IQUB: variants seen among roughly 807,000 people sequenced by gnomAD.
The protein encoded by IQUB is IQ motif and ubiquitin-like domain-containing protein.
IQUB carries 86 observed loss-of-function variants against 86.4 expected under a neutral mutation model. The observed-to-expected ratio is 1.00, with a 90% CI of 0.84 to 1.19. The LOEUF (loss-of-function observed/expected upper bound fraction) is 1.19, where lower values mean the gene tolerates loss of function less well. IQUB is among the 50% of genes most tolerant of loss of function. The pLI is 0.00. For synonymous variants in IQUB, 289 were observed against 304.5 expected, an observed-to-expected ratio of 0.95 and a Z score of 0.53; for missense variants, 946 against 916.9, an observed-to-expected ratio of 1.03 and a Z score of -0.41.
intron 9 of IQUB, among the ~76,000 whole-genome samples, chr7:123,467,932 T>A (rs181755516): frequency 1.0e-3 from 157 of 152,334 alleles, no homozygotes; most frequent in Non-Finnish European, 2.0e-3. Context: ...GAGCTACAAC[T>A]AATGCCTAAG....
chr7:123,519,744 T>C (rs35309595), intron 1 of IQUB, among the ~76,000 whole-genome samples: 2 of 152,156 alleles, frequency 1.3e-5, no homozygotes, highest in Non-Finnish European at 2.9e-5. Context: ...CACCGTACGG[T>C]GACTATAGTT....
At chr7:123,519,188 A>AT (rs1305031827) in intron 1 of IQUB, among the ~76,000 whole-genome samples, 1 of 152,224 alleles carries the variant, frequency 6.6e-6, no homozygotes, top group Non-Finnish European at 1.5e-5. Flanking sequence ...AGAAAGGGGA[A>AT]TGGTAGTACA....
Position 123,496,679 on chromosome 7 carries a change from G to C in IQUB, c.1234+17C>G, listed in dbSNP as rs368829216. 3.7e-4 allele frequency: 532 copies of C among 1,447,898 alleles called. 3 individuals carry two copies. The highest frequency in any genetic ancestry group is 1.5e-3 in the Admixed American group (69 of 47,544). The allele number at this position is 1,447,898 out of a possible 1,614,324, so 89.7% of individuals were successfully genotyped here. A position where few individuals can be genotyped will look rare whatever the true frequency, so the allele number is the denominator to read the frequency against. On this transcript the variant is annotated intron_variant, in intron 7 of 12. Coordinates refer to ENST00000324698, the MANE Select transcript of IQUB (RefSeq NM_178827.5). ...AGAATTTAAAAATATTTTTTGCAAAGCCTGTGTCCAACTTACATTCTAATG... is the reference window on the plus strand; with the variant it reads ...AGAATTTAAAAATATTTTTTGCAAACCCTGTGTCCAACTTACATTCTAATG...
At chr7:123,530,702 G>T (rs1797493220) in intron 1 of IQUB, among the ~76,000 whole-genome samples, 1 of 119,586 alleles carries the variant, frequency 8.4e-6, no homozygotes. Flanking sequence ...TTGAGATGGA[G>T]TTTCACTCTT....
Position 123,461,403 on chromosome 7 carries a change from G to C in IQUB, c.1961C>G (p.Thr654Arg). 1 of 1,611,758 alleles carries C rather than the reference G, an allele frequency of 6.2e-7. No individual in the cohort carries two copies. The highest frequency in any genetic ancestry group is 8.5e-7 in the Non-Finnish European group (1 of 1,178,442). Residue 654 changes from threonine (T) to arginine (R), a missense_variant, in exon 11 of 13, where the codon ACA becomes AGA. Physicochemically the swap from Thr to Arg is moderately conservative, Grantham distance 71. Transcript: ENST00000324698. ...YKCLLQQLYYTEADYEDDSKI... is the reference protein window; with the variant it reads ...YKCLLQQLYYREADYEDDSKI... The stretch of plus-strand genomic sequence containing the variant: ...AGAATCATCTTCATAATCAGCTTCT[G>C]TATAGTAGAGCTGTTGAAGTAAACA...
At chr7:123,531,571 C>T (rs1417637809) in intron 1 of IQUB, among the ~76,000 whole-genome samples, 2 of 152,142 alleles carry the variant, frequency 1.3e-5, no homozygotes, top group African/African-American at 4.8e-5. Flanking sequence ...TATTATTAAG[C>T]ATATATTCAG....
chr7:123,495,344 T>G (rs936238741), intron 7 of IQUB, among the ~76,000 whole-genome samples: 13 of 152,076 alleles, frequency 8.5e-5, no homozygotes, highest in African/African-American at 2.9e-4. Flanking sequence ...GCCCTAATGT[T>G]TAATTATATT....
At chr7:123,454,359 A>T (rs151200259) in intron 12 of IQUB, among the ~76,000 whole-genome samples, 1 of 152,202 alleles carries the variant, frequency 6.6e-6, no homozygotes, top group East Asian at 1.9e-4. Flanking sequence ...ACTCTTAAAT[A>T]ACTGAATATA....
chr7:123,454,651 C>G (rs1793607811), intron 12 of IQUB, among the ~76,000 whole-genome samples: 2 of 152,070 alleles, frequency 1.3e-5, no homozygotes, highest in Non-Finnish European at 2.9e-5. Flanking sequence ...TTCACAAATT[C>G]TTTGGGTGTA....
intron 7 of IQUB, among the ~76,000 whole-genome samples, chr7:123,492,100 A>G (rs1161144849): frequency 6.6e-6 from 1 of 152,176 alleles, no homozygotes; most frequent in Non-Finnish European, 1.5e-5. Context: ...CCATCTATGA[A>G]CCAGGAAACA....
chr7:123,503,380 A>T lies in IQUB; in HGVS notation c.533-17T>A. 1 of 1,380,396 alleles carries T rather than the reference A, an allele frequency of 7.2e-7. No individual in the cohort carries two copies. Among genetic ancestry groups the T allele is most frequent in the Non-Finnish European group, 9.9e-7 (1 of 1,009,690 alleles). 85.5% of individuals were successfully genotyped at this position (1,380,396 alleles called of 1,614,324 possible). A position where few individuals can be genotyped will look rare whatever the true frequency, so the allele number is the denominator to read the frequency against. Reference sequence around the variant, plus strand: ...GAATTTTTCCTAAAAATTGAAATAAAATTTTTAAAAGTTTTATGACAAAGA... The same window carrying T: ...GAATTTTTCCTAAAAATTGAAATAATATTTTTAAAAGTTTTATGACAAAGA... On this transcript the variant is annotated splice_polypyrimidine_tract_variant and intron_variant, in intron 3 of 12. Transcript: ENST00000324698.
chr7:123,507,131 A>T (rs568219004), intron 3 of IQUB, among the ~76,000 whole-genome samples: 1 of 152,350 alleles, frequency 6.6e-6, no homozygotes, highest in East Asian at 1.9e-4. Context: ...TTAGAAATCC[A>T]TCAGACACCA....
At chr7:123,492,954 T>C (rs534616063) in intron 7 of IQUB, among the ~76,000 whole-genome samples, 20 of 152,308 alleles carry the variant, frequency 1.3e-4, no homozygotes, top group Admixed American at 3.9e-4. Context: ...AATTGCCCTG[T>C]TGCAGGCTCA....
rs143722337 is a variant in IQUB at position 123,502,977 on chromosome 7, G to C, written c.834C>G (p.Pro278=). The C allele has an allele frequency of 6.2e-7, 1 of 1,611,894 alleles. No homozygotes were observed. Among genetic ancestry groups the C allele is most frequent in the Non-Finnish European group, 8.5e-7 (1 of 1,179,250 alleles). Residue 278 remains proline, a synonymous_variant, in exon 5 of 13, where the codon CCC becomes CCG. Coordinates refer to ENST00000324698, the MANE Select transcript of IQUB (RefSeq NM_178827.5). The part of the protein sequence containing the change: ...AGTQTVPKRI[P]ERLSIFCRDT... ...CCCTACAAAATATACTGAGTCTTTC[G>C]GGAATCCTTTTAGGTACAGTTTGTG...
chr7:123,497,615 T>C (rs1795759982), intron 6 of IQUB, among the ~76,000 whole-genome samples: 1 of 151,932 alleles, frequency 6.6e-6, no homozygotes, highest in Non-Finnish European at 1.5e-5. Flanking sequence ...TAATTTTATT[T>C]ATTAAACTCA....
chr7:123,525,276 G>A (rs571987506), intron 1 of IQUB, among the ~76,000 whole-genome samples: 1 of 152,182 alleles, frequency 6.6e-6, no homozygotes, highest in South Asian at 2.1e-4. Context: ...AGAAGGAATG[G>A]TACCATTTCC....
chr7:123,478,661 T>G (rs966946489), intron 8 of IQUB, among the ~76,000 whole-genome samples: 1 of 152,010 alleles, frequency 6.6e-6, no homozygotes, highest in African/African-American at 2.4e-5. Flanking sequence ...AAAAAAAGAT[T>G]TGAGGAGGTA....
intron 8 of IQUB, among the ~76,000 whole-genome samples, chr7:123,473,163 G>A (rs939773015): frequency 1.1e-4 from 16 of 152,210 alleles, no homozygotes; most frequent in East Asian, 7.7e-4. Context: ...CTAACTCCCC[G>A]CAGAAGCTAC....
At chr7:123,480,338 G>A (rs569564213) in intron 7 of IQUB, among the ~76,000 whole-genome samples, 1 of 152,208 alleles carries the variant, frequency 6.6e-6, no homozygotes, top group East Asian at 1.9e-4. Context: ...AAAGGTAATT[G>A]ACAGTTCCAA....
Sources: allele counts gnomAD v4.1 joint callset (sites outside exome capture counted in the v4.1 genomes callset), GRCh38; gene constraint gnomAD v4.1.1; transcripts MANE v1.5; gene names NCBI Gene and HGNC (gene_info 2026-07-23, HGNC 2026-07-21).